Variants in CFAP70 observed in about 807,000 individuals in gnomAD.
The protein encoded by CFAP70 is cilia and flagella associated protein 70.
Under a neutral mutation model 137.6 loss-of-function variants are expected in CFAP70, and 81 were observed. The ratio of observed to expected loss-of-function variants is 0.59; its 90% CI spans 0.49 to 0.71. CFAP70 has a LOEUF of 0.71. Among genes scored for constraint, CFAP70 ranks in the 30% least tolerant of loss-of-function variants. CFAP70 has a pLI of 0.00. For synonymous variants in CFAP70, 382 were observed against 423.6 expected, an observed-to-expected ratio of 0.90 and a Z score of 1.20; for missense variants, 976 against 1,226.7, an observed-to-expected ratio of 0.80 and a Z score of 3.05.
intron 9 of CFAP70, among the ~76,000 whole-genome samples, chr10:73,316,364 T>C (rs1213705809): frequency 6.7e-6 from 1 of 150,338 alleles, no homozygotes; most frequent in Non-Finnish European, 1.5e-5. Flanking sequence ...CCATGCTATT[T>C]GTTTTCTATA....
chr10:73,313,534 CT>C (rs2050101448), intron 9 of CFAP70, among the ~76,000 whole-genome samples: 1 of 138,592 alleles, frequency 7.2e-6, no homozygotes, highest in Admixed American at 7.2e-5. Context: ...CACAGCAAGA[CT>C]CTGTCTCAAA....
exon 19 of CFAP70, chr10:73,291,353 T>G (rs1320276633): frequency 1.8e-5 from 29 of 1,614,224 alleles, no homozygotes; most frequent in Non-Finnish European, 2.5e-5. Context: ...TTGTTACTTG[T>G]GCCTGAAGCA....
intron 6 of CFAP70, among the ~76,000 whole-genome samples, chr10:73,336,916 A>T (rs2132362010): frequency 6.6e-6 from 1 of 152,184 alleles, no homozygotes; most frequent in East Asian, 1.9e-4. Flanking sequence ...ATTTCTGGTA[A>T]TTTATATAAT....
In CFAP70 at chr10:73,266,721, T is replaced by C. The variant is rs184147690; in HGVS notation, c.3027+2893A>G. Among the ~76,000 whole-genome samples, 433 of 152,288 alleles carry C rather than the reference T, an allele frequency of 2.8e-3. 1 individual carries two copies. Among genetic ancestry groups the C allele is most frequent in the Non-Finnish European group, 5.1e-3 (345 of 68,002 alleles). On this transcript the variant is annotated intron_variant, in intron 25 of 26. Coordinates refer to ENST00000310715, the Ensembl canonical transcript of CFAP70. Reference sequence around the variant, plus strand: ...TAATTAATAGAATAAGAATAGCCTATGATTTTAATTTAGTCTCCATTTTGC... The same window carrying C: ...TAATTAATAGAATAAGAATAGCCTACGATTTTAATTTAGTCTCCATTTTGC...
intron 9 of CFAP70, among the ~76,000 whole-genome samples, chr10:73,319,634 G>A (rs150968191): frequency 1.9e-4 from 29 of 152,180 alleles, no homozygotes; most frequent in Non-Finnish European, 2.6e-4. Context: ...ATAATTTAGC[G>A]CCTGGTCTTC....
intron 1 of CFAP70, among the ~76,000 whole-genome samples, chr10:73,355,106 C>T (rs184311859): frequency 3.7e-4 from 56 of 152,290 alleles, no homozygotes; most frequent in African/African-American, 1.2e-3. Context: ...ACCTTGACCT[C>T]CCATACCCTA....
chr10:73,348,320 C>T, intron 4 of CFAP70, 85 bp from the exon 5 acceptor site: 1 of 1,510,976 alleles, frequency 6.6e-7, no homozygotes, highest in Non-Finnish European at 9.2e-7. Flanking sequence ...CCTACTTTTC[C>T]CCTCAAATCC....
At chr10:73,264,736 T>C (rs531447723) in intron 25 of CFAP70, among the ~76,000 whole-genome samples, 1 of 152,376 alleles carries the variant, frequency 6.6e-6, no homozygotes, top group South Asian at 2.1e-4. Flanking sequence ...TTTTCAAAAG[T>C]ACCATGAGTT....
exon 27 of CFAP70, chr10:73,253,982 G>A (rs539894199): frequency 1.2e-6 from 2 of 1,604,298 alleles, no homozygotes; most frequent in South Asian, 2.2e-5. Context: ...GTATCAGAAA[G>A]ATGGATTTCC....
chr10:73,347,695 A>G (rs573445029), intron 4 of CFAP70, among the ~76,000 whole-genome samples: 2 of 152,332 alleles, frequency 1.3e-5, no homozygotes, highest in South Asian at 4.1e-4. Context: ...AGAGGTATAC[A>G]GTAGGTGCTT....
chr10:73,315,244 A>G (rs1470740261), intron 9 of CFAP70, among the ~76,000 whole-genome samples: 1 of 149,438 alleles, frequency 6.7e-6, no homozygotes, highest in African/African-American at 2.4e-5. Context: ...AAACAGCTTT[A>G]TTGAGATATT....
intron 9 of CFAP70, among the ~76,000 whole-genome samples, chr10:73,316,271 A>G (rs2132137662): frequency 6.6e-6 from 1 of 151,904 alleles, no homozygotes; most frequent in Non-Finnish European, 1.5e-5. Context: ...TGTAAATCCA[A>G]TTTAATAATT....
chr10:73,348,655 A>C, intron 3 of CFAP70, 134 bp from the exon 4 acceptor site: 2 of 592,284 alleles, frequency 3.4e-6, no homozygotes, highest in Non-Finnish European at 5.6e-6. Context: ...AGGCACCAAC[A>C]TCACTGACTT....
chr10:73,300,144 G>A (rs187998652), intron 12 of CFAP70, among the ~76,000 whole-genome samples: 1 of 152,130 alleles, frequency 6.6e-6, no homozygotes, highest in East Asian at 1.9e-4. Context: ...TTATAGGGCT[G>A]CATTAAATTA....
Position 73,354,734 on chromosome 10 carries a change from CA to C in CFAP70, c.62del (p.Leu21Ter), listed in dbSNP as rs1306161052. The C allele has an allele frequency of 1.9e-6, 3 of 1,613,468 alleles. No individual in the cohort carries two copies. The highest frequency in any genetic ancestry group is 2.5e-6 in the Non-Finnish European group (3 of 1,179,734). ...TGTAAATTTCCAAAAGTAACTTTAC[CA>C]AATCATATCCCTCTGTCACGGTGAT... On this transcript the variant is annotated frameshift_variant and splice_region_variant, in exon 2 of 27. Transcript: ENST00000310715. LOFTEE classifies it high-confidence loss of function.
chr10:73,315,222 A>G (rs926895250), intron 9 of CFAP70, among the ~76,000 whole-genome samples: 3 of 151,414 alleles, frequency 2.0e-5, no homozygotes, highest in South Asian at 2.1e-4. Context: ...ATCTCAAAAA[A>G]AAAAAAAAAA....
intron 16 of CFAP70, among the ~76,000 whole-genome samples, 184 bp from the exon 18 acceptor site, chr10:73,292,198 G>A (rs889094218): frequency 2.6e-5 from 4 of 152,082 alleles, no homozygotes; most frequent in Non-Finnish European, 4.4e-5. Flanking sequence ...GTAGGTGGTT[G>A]AAAAAAGTAT....
intron 25 of CFAP70, among the ~76,000 whole-genome samples, chr10:73,257,872 CCTT>C (rs1201646235): frequency 1.4e-5 from 2 of 145,024 alleles, no homozygotes; most frequent in Non-Finnish European, 3.0e-5. Flanking sequence ...TTCTCCTTTT[CCTT>C]CTTTTTTTTT....
chr10:73,274,824 C>G, intron 22 of CFAP70: 1 of 493,094 alleles, frequency 2.0e-6, no homozygotes, highest in Non-Finnish European at 3.5e-6. Flanking sequence ...TTCTTCAAAG[C>G]CATTTTGGGT....
Sources: gnomAD v4.1 joint callset for allele counts (sites outside exome capture counted in the v4.1 genomes callset) on GRCh38, gnomAD v4.1.1 for gene constraint, MANE v1.5 for transcripts, NCBI Gene and HGNC (gene_info 2026-07-23, HGNC 2026-07-21) for gene names.